YEATS4: variants seen among roughly 807,000 people sequenced by gnomAD.
YEATS4 encodes YEATS domain containing 4.
In YEATS4, 17 loss-of-function variants were observed where a neutral mutation model predicts 30.1. The observed-to-expected ratio is 0.56, with a 90% CI of 0.39 to 0.85. The LOEUF (loss-of-function observed/expected upper bound fraction) is 0.85. YEATS4 is among the 40% of genes least tolerant of loss of function. The pLI, the probability that YEATS4 is intolerant of heterozygous loss-of-function variation, is 0.00. For synonymous variants in YEATS4, 85 were observed against 87.5 expected, an observed-to-expected ratio of 0.97 and a Z score of 0.16; for missense variants, 142 against 268.3, an observed-to-expected ratio of 0.53 and a Z score of 3.29.
chr12:69,408,983 G>T, the YEATS4 span, among the ~76,000 whole-genome samples: 47 of 152,272 alleles, frequency 3.1e-4, no homozygotes, highest in East Asian at 9.1e-3. Context: ...TAGGTTACTG[G>T]ATTTCGCTGA....
chr12:69,416,950 G>A, the YEATS4 span, among the ~76,000 whole-genome samples: 46,546 of 151,198 alleles, frequency 0.31, 7,580 homozygotes, highest in East Asian at 0.57. Flanking sequence ...GTGGGTGCCT[G>A]TAATCCCAGC....
downstream of YEATS4, among the ~76,000 whole-genome samples, chr12:69,393,936 T>C (rs1487344193): frequency 6.6e-6 from 1 of 152,246 alleles, no homozygotes; most frequent in Non-Finnish European, 1.5e-5. Flanking sequence ...CAGCACACTG[T>C]CTCACAAGAT....
chr12:69,410,651 T>C, the YEATS4 span, among the ~76,000 whole-genome samples: 1 of 152,224 alleles, frequency 6.6e-6, no homozygotes, highest in Non-Finnish European at 1.5e-5. Flanking sequence ...TAAGCAAGCA[T>C]GCTGTTTTGA....
chr12:69,390,169 C>A lies in YEATS4; in HGVS notation c.537C>A (p.Thr179=). 1 of 1,582,732 alleles carries A rather than the reference C, an allele frequency of 6.3e-7. No homozygotes were observed. The highest frequency in any genetic ancestry group is 1.2e-5 in the South Asian group (1 of 84,502). Residue 179 remains threonine, a synonymous_variant, in exon 7 of 7, where the codon ACC becomes ACA. Transcript: ENST00000247843. ...ETEFAELEVK[T]REKLEAAKKK... ...TAGTTGCAGAGCTTGAAGTGAAAAC[C>A]AGAGAAAAATTAGAAGCTGCTAAGA...
the YEATS4 span, among the ~76,000 whole-genome samples, chr12:69,419,014 CATATAT>C: frequency 3.4e-4 from 49 of 143,362 alleles, no homozygotes; most frequent in African/African-American, 1.2e-3. Context: ...TAATTTAAGC[CATATAT>C]ATATATATAT....
At chr12:69,399,699 G>A in the YEATS4 span, among the ~76,000 whole-genome samples, 1 of 152,168 alleles carries the variant, frequency 6.6e-6, no homozygotes, top group East Asian at 1.9e-4. Context: ...ATATTTATAG[G>A]AGCATCATTC....
chr12:69,385,525 A>G (rs1305291673), intron 6 of YEATS4, among the ~76,000 whole-genome samples: 6 of 152,154 alleles, frequency 3.9e-5, no homozygotes, highest in Admixed American at 2.6e-4. Flanking sequence ...TAACAGCTTT[A>G]TTAGGTAATA....
intron 4 of YEATS4, among the ~76,000 whole-genome samples, chr12:69,368,778 C>T (rs981974812): frequency 6.6e-6 from 1 of 152,194 alleles, no homozygotes; most frequent in African/African-American, 2.4e-5. Flanking sequence ...CTAATATCTT[C>T]CTCCATTGTC....
At position 69,379,170 on chromosome 12, in the gene YEATS4, C is replaced by G. The variant is rs146239123; in HGVS notation, c.514+8195C>G. Among the ~76,000 whole-genome samples the G allele has an allele frequency of 7.9e-5, 12 of 152,174 alleles. 1 individual carries two copies. The East Asian group carries it at 1.9e-3, about 24-fold the overall frequency. ...TTACTTGTTTTTGTGTTTATTTCCT[C>G]TTGTTGTTTTTAGGATCCTTTCTTT... is the stretch of plus-strand genomic sequence containing the variant. On this transcript the variant is annotated intron_variant, in intron 6 of 6. Transcript: ENST00000247843.
chr12:69,398,293 GAA>G, the YEATS4 span, among the ~76,000 whole-genome samples: 2 of 151,700 alleles, frequency 1.3e-5, no homozygotes, highest in Admixed American at 6.6e-5. Context: ...CTTGTGTAAA[GAA>G]AACCCTAAGG....
At chr12:69,419,996 G>A in the YEATS4 span, among the ~76,000 whole-genome samples, 1 of 152,202 alleles carries the variant, frequency 6.6e-6, no homozygotes, top group Non-Finnish European at 1.5e-5. Context: ...AAGGTCAGAA[G>A]CTTTGGAAAT....
chr12:69,422,153 G>A, the YEATS4 span, among the ~76,000 whole-genome samples: 1 of 152,162 alleles, frequency 6.6e-6, no homozygotes, highest in Admixed American at 6.5e-5. Flanking sequence ...AGATCCTTAG[G>A]GAGAAGGGAG....
chr12:69,379,839 A>G (rs2121016334), intron 6 of YEATS4, among the ~76,000 whole-genome samples: 1 of 150,784 alleles, frequency 6.6e-6, no homozygotes, highest in African/African-American at 2.5e-5. Flanking sequence ...CCTCTCTTCA[A>G]GCCCACTAAT....
At chr12:69,365,123 A>C (rs544280092) in intron 2 of YEATS4, among the ~76,000 whole-genome samples, 1 of 152,164 alleles carries the variant, frequency 6.6e-6, no homozygotes, top group Non-Finnish European at 1.5e-5. Flanking sequence ...TCATAAAAGA[A>C]TTCAACACAG....
At chr12:69,371,508 A>G (rs775341423) in intron 6 of YEATS4, among the ~76,000 whole-genome samples, 2 of 152,208 alleles carry the variant, frequency 1.3e-5, no homozygotes, top group Non-Finnish European at 2.9e-5. Flanking sequence ...TAATCTGTGC[A>G]TCTATTCTCA....
At chr12:69,381,572 C>T (rs567724281) in intron 6 of YEATS4, among the ~76,000 whole-genome samples, 1 of 152,102 alleles carries the variant, frequency 6.6e-6, no homozygotes, top group Non-Finnish European at 1.5e-5. Context: ...TAGGAAATCA[C>T]AAGGGTATTG....
chr12:69,408,592 G>A, the YEATS4 span, among the ~76,000 whole-genome samples: 1 of 152,220 alleles, frequency 6.6e-6, no homozygotes, highest in Non-Finnish European at 1.5e-5. Context: ...CTGTGAGGAT[G>A]CCCATTTCCT....
At chr12:69,426,729 C>T in the YEATS4 span, among the ~76,000 whole-genome samples, 1 of 152,146 alleles carries the variant, frequency 6.6e-6, no homozygotes, top group Non-Finnish European at 1.5e-5. Context: ...GATTTCTAAA[C>T]ATTCTATTTG....
At chr12:69,417,856 G>GAAAAAAAAA in the YEATS4 span, among the ~76,000 whole-genome samples, 3 of 101,972 alleles carry the variant, frequency 2.9e-5, no homozygotes, top group African/African-American at 4.0e-5. Context: ...TTACAATAGG[G>GAAAAAAAAA]AAAAAAAAAA....
Sources: allele counts gnomAD v4.1 joint callset (sites outside exome capture counted in the v4.1 genomes callset), GRCh38; gene constraint gnomAD v4.1.1; transcripts MANE v1.5; gene names NCBI Gene and HGNC (gene_info 2026-07-23, HGNC 2026-07-21).